ESPN: variants seen among roughly 807,000 people sequenced by gnomAD.
ESPN encodes the protein autosomal recessive deafness type 36 protein.
In ESPN, 68 loss-of-function variants were observed where a neutral mutation model predicts 77.7. The observed-to-expected ratio is 0.87, with a 90% CI of 0.72 to 1.07. The LOEUF (loss-of-function observed/expected upper bound fraction) is 1.07, where lower values mean the gene tolerates loss of function less well. Among genes scored for constraint, ESPN ranks in the 50% least tolerant of loss-of-function variants. ESPN has a pLI of 0.00. For synonymous variants in ESPN, 449 were observed against 567.1 expected (o/e 0.79, Z 2.96); for missense variants, 1,060 against 1,239.0 (o/e 0.86, Z 2.17).
At chr1:6,456,994 G>A (rs1244733723) in intron 10 of ESPN, among the ~76,000 whole-genome samples, 190 bp from the exon 11 acceptor site, 1 of 152,266 alleles carries the variant, frequency 6.6e-6, no homozygotes, top group Non-Finnish European at 1.5e-5. Flanking sequence ...TAGGACATGA[G>A]GGTCTGGGTT....
At position 6,440,586 on chromosome 1, in the gene ESPN, GCCCAGCCCCCGCCCCCCTCT is replaced by G. The variant is rs1433534828; in HGVS notation, c.676-36_676-17del. ...GGGGGCGGGCCTACAGGGGCCTGGC[GCCCAGCCCCCGCCCCCCTCT>G]CCCCGCCCGTCCCGCCCAGGTGAGC... On this transcript the variant is annotated intron_variant, in intron 3 of 12. Coordinates refer to ENST00000645284, the MANE Select transcript of ESPN (RefSeq NM_031475.3). 1.3e-5 allele frequency: 14 copies of G among 1,062,908 alleles called. No individual in the cohort carries two copies. The highest frequency in any genetic ancestry group is 3.2e-5 in the East Asian group (1 of 31,016). 65.8% of individuals were successfully genotyped at this position (1,062,908 alleles called of 1,614,324 possible). A position where few individuals can be genotyped will look rare whatever the true frequency, so the allele number is the denominator to read the frequency against.
chr1:6,428,375 A>T lies in ESPN; in HGVS notation c.444A>T (p.Lys148Asn). The change falls in exon 2 of 13, where the codon AAA becomes AAT. Residue 148 changes from lysine to asparagine, a missense_variant. By Grantham distance (94) the Lys-to-Asn change is moderately conservative. Transcript: ENST00000645284. The surrounding 1 kb of genome is among the most constrained non-coding windows in gnomAD (Gnocchi z 5.4). ...TGCCTATCCACTACGCTGCCGCCAA[A>T]GGAGACTTCCCCTCCCTGAGGCTTC... Reference protein sequence around the residue: ...GALPIHYAAAKGDFPSLRLLV... With the variant: ...GALPIHYAAANGDFPSLRLLV... 2 of 1,613,012 alleles carry T rather than the reference A, an allele frequency of 1.2e-6. No homozygotes were observed. The highest frequency in any genetic ancestry group is 1.3e-5 in the African/African-American group (1 of 75,058).
intron 12 of ESPN, 73 bp downstream of exon 12, chr1:6,457,445 G>A: frequency 6.3e-7 from 1 of 1,597,264 alleles, no homozygotes; most frequent in Non-Finnish European, 8.6e-7. Flanking sequence ...CCTTCATCCA[G>A]GCCAATTTGA....
chr1:6,436,060 G>A (rs1305262018), intron 2 of ESPN, among the ~76,000 whole-genome samples: 1 of 152,222 alleles, frequency 6.6e-6, no homozygotes, highest in East Asian at 1.9e-4. Flanking sequence ...CTGTGCCCCA[G>A]CAGCTGGCAA....
In ESPN at chr1:6,444,518, C is replaced by T; in HGVS notation, c.1028C>T (p.Ala343Val). The T allele has an allele frequency of 6.2e-7, 1 of 1,614,230 alleles. No individual in the cohort carries two copies. Among genetic ancestry groups the T allele is most frequent in the East Asian group, 2.2e-5 (1 of 44,886 alleles). Reference protein sequence around the residue: ...EHRVLSRDPSAELEAKQPDSG... With the variant: ...EHRVLSRDPSVELEAKQPDSG... ...CGCGTGCTTTCCCGGGATCCATCCG[C>T]AGAGCTGGAGGCTAAGCAGCCGGAT... Residue 343 changes from alanine (A) to valine (V), a missense_variant, in exon 6 of 13, where the codon GCA (alanine) becomes GTA (valine). Ala to Val is a moderately conservative substitution (Grantham distance 64, BLOSUM62 0). Transcript: ENST00000645284.
intron 10 of ESPN, chr1:6,456,392 T>G: frequency 5.5e-6 from 2 of 365,700 alleles, no homozygotes; most frequent in African/African-American, 2.1e-5. Context: ...GTTGGTCGGA[T>G]AGGCAGGGCA....
chr1:6,457,337 G>A (rs1644073894), intron 11 of ESPN, 24 bp from the exon 12 acceptor site: 1 of 1,614,116 alleles, frequency 6.2e-7, no homozygotes, highest in African/African-American at 1.3e-5. Context: ...GGTACCAAGT[G>A]ACACTGTCTC....
At chr1:6,441,865 C>G (rs556734824) in intron 5 of ESPN, among the ~76,000 whole-genome samples, 275 of 152,304 alleles carry the variant, frequency 1.8e-3, no homozygotes, top group African/African-American at 6.2e-3. Context: ...GCCCTCCCCC[C>G]CCCAGCACAG....
At chr1:6,435,478 C>A (rs1557698204) in intron 2 of ESPN, among the ~76,000 whole-genome samples, 1 of 152,262 alleles carries the variant, frequency 6.6e-6, no homozygotes, top group African/African-American at 2.4e-5. Context: ...TCATCCATAG[C>A]ATCTTTGTTC....
Position 6,447,248 on chromosome 1 carries a change from G to C in ESPN, c.1464+1313G>C, listed in dbSNP as rs1643867879. 6.6e-6 allele frequency: 1 copy of C among 152,316 alleles called. No homozygotes were observed. Among genetic ancestry groups the C allele is most frequent in the African/African-American group, 2.4e-5 (1 of 41,426 alleles). The allele number at this position is 152,316 out of a possible 1,614,324, so 9.4% of individuals were successfully genotyped here. On this transcript the variant is annotated intron_variant, in intron 7 of 12. Coordinates refer to ENST00000645284, the MANE Select transcript of ESPN (RefSeq NM_031475.3). This position sits in a 1 kb window ranked among gnomAD's most constrained non-coding sequence, Gnocchi z 5.2. Reference sequence around the variant, plus strand: ...CCGGCTATGTGCGTCCATCTCGGCCGTGTGCGTGCTGGGCCGCAGGCGCCA... The same window carrying C: ...CCGGCTATGTGCGTCCATCTCGGCCCTGTGCGTGCTGGGCCGCAGGCGCCA...
At chr1:6,439,174 G>A (rs1643534854) in intron 2 of ESPN, among the ~76,000 whole-genome samples, 1 of 152,180 alleles carries the variant, frequency 6.6e-6, no homozygotes, top group Non-Finnish European at 1.5e-5. Flanking sequence ...TAGCACAGCA[G>A]AAGCATTCAG....
intron 12 of ESPN, among the ~76,000 whole-genome samples, chr1:6,459,597 GTC>G (rs955753733): frequency 5.9e-5 from 9 of 152,018 alleles, no homozygotes; most frequent in Middle Eastern, 3.4e-3. Context: ...CAATTATATG[GTC>G]TCTCTGCTCC....
chr1:6,444,629 A>C lies in ESPN; in HGVS notation c.1139A>C (p.Tyr380Ser). 1 of 1,613,936 alleles carries C rather than the reference A, an allele frequency of 6.2e-7. No individual in the cohort carries two copies. The highest frequency in any genetic ancestry group is 8.5e-7 in the Non-Finnish European group (1 of 1,179,966). ...LSSPTSTLSN[Y>S]DSCSSSHSSI... ...TCGCCTACCAGCACCCTCTCCAACTACGACTCCTGCTCCTCCAGCCACTCC... is the reference window on the plus strand; with the variant it reads ...TCGCCTACCAGCACCCTCTCCAACTCCGACTCCTGCTCCTCCAGCCACTCC... The change falls in exon 6 of 13, where the codon TAC (tyrosine) becomes TCC (serine). Residue 380 changes from tyrosine (Y) to serine (S), a missense_variant. Physicochemically the swap from Tyr to Ser is moderately radical, Grantham distance 144 (BLOSUM62 -2). This residue lies in a region of ESPN where 556 missense variants were observed against 633.6 expected (regional missense o/e 0.88). Coordinates refer to ENST00000645284, the MANE Select transcript of ESPN (RefSeq NM_031475.3).
At chr1:6,440,550 AC>A (rs200454180) in intron 3 of ESPN, 75 bp from the exon 4 acceptor site, 794,172 of 794,422 alleles carry the variant, frequency 1, 396,962 homozygotes, top group Middle Eastern at 1. Context: ...GGGGCGGGCC[AC>A]GGAGGTACAG....
rs1310500466 is a variant in ESPN at position 6,427,649 on chromosome 1, G to A, written c.295-577G>A. On this transcript the variant is annotated intron_variant, in intron 1 of 12. Transcript: ENST00000645284. This position sits in a 1 kb window ranked among gnomAD's most constrained non-coding sequence, Gnocchi z 4.6. ...GCACTGGCGAGTCTGCTGGGGGAGG[G>A]GCCGGTTTTCTGCACTGAGGTTGGG... 6.6e-6 allele frequency among the ~76,000 whole-genome samples: 1 copy of A among 152,222 alleles called. No homozygotes were observed. Among genetic ancestry groups the A allele is most frequent in the South Asian group, 2.1e-4 (1 of 4,828 alleles).
chr1:6,453,199 G>A (rs1056838111), intron 10 of ESPN, among the ~76,000 whole-genome samples: 2 of 152,212 alleles, frequency 1.3e-5, no homozygotes, highest in South Asian at 2.1e-4. Context: ...TGGCCCCCGA[G>A]TGCCATTTAT....
Position 6,448,964 on chromosome 1 carries a change from ACCGCCGCCCCCACCG to A in ESPN, c.1797_1811del (p.Pro601_Pro605del). 2 of 1,402,918 alleles carry A rather than the reference ACCGCCGCCCCCACCG, an allele frequency of 1.4e-6. No homozygotes were observed. Among genetic ancestry groups the A allele is most frequent in the Non-Finnish European group, 1.9e-6 (2 of 1,076,844 alleles). 86.9% of individuals were successfully genotyped at this position (1,402,918 alleles called of 1,614,324 possible). A position where few individuals can be genotyped will look rare whatever the true frequency, so the allele number is the denominator to read the frequency against. On this transcript the variant is annotated inframe_deletion, in exon 8 of 13. Coordinates refer to ENST00000645284, the MANE Select transcript of ESPN (RefSeq NM_031475.3). ...ACCCCAAGGCGTCCAGGGAGCTGCCACCGCCGCCCCCACCGCCGCCGCCGCCCCTGCCGGAGGCCG... is the reference window on the plus strand; with the variant it reads ...ACCCCAAGGCGTCCAGGGAGCTGCCACCGCCGCCGCCCCTGCCGGAGGCCG...
At chr1:6,440,892 A>T in intron 4 of ESPN, 42 bp from the exon 5 acceptor site, 3 of 1,533,552 alleles carry the variant, frequency 2.0e-6, no homozygotes, top group Non-Finnish European at 2.6e-6. Context: ...CGGGGGTCCC[A>T]GCTCGCGGCC....
intron 2 of ESPN, among the ~76,000 whole-genome samples, chr1:6,430,666 G>A (rs1643209502): frequency 6.6e-6 from 1 of 152,224 alleles, no homozygotes; most frequent in Non-Finnish European, 1.5e-5. Flanking sequence ...AGCTACTCAG[G>A]AGGCTGAGGC....
Sources: allele counts gnomAD v4.1 joint callset (sites outside exome capture counted in the v4.1 genomes callset), GRCh38; gene constraint gnomAD v4.1.1; regional missense constraint gnomAD v4.1.1; non-coding constraint Gnocchi (gnomAD v3.1); transcripts MANE v1.5; gene names NCBI Gene and HGNC (gene_info 2026-07-23, HGNC 2026-07-21).